The following TP63 variants were observed in gnomAD, a reference collection of about 807,000 sequenced individuals.
The protein encoded by TP63 is tumor protein p63.
In TP63, 17 loss-of-function variants were observed where a neutral mutation model predicts 82.8. The observed-to-expected ratio is 0.21, with a 90% CI of 0.14 to 0.31. The LOEUF is 0.31. Ranked by LOEUF, TP63 falls within the 10% of genes least tolerant of loss-of-function variation. TP63 has a pLI of 1.00. For synonymous variants in TP63, 330 were observed against 321.7 expected, an observed-to-expected ratio of 1.03 and a Z score of -0.28; for missense variants, 648 against 895.3, an observed-to-expected ratio of 0.72 and a Z score of 3.52.
intron 1 of TP63, among the ~76,000 whole-genome samples, chr3:189,638,165 T>A (rs192349977): frequency 6.6e-4 from 101 of 152,274 alleles, no homozygotes; most frequent in Middle Eastern, 3.4e-3. Flanking sequence ...TGGTAACTTG[T>A]CATGGCAGCA....
intron 3 of TP63, among the ~76,000 whole-genome samples, chr3:189,791,023 TTGCTTGTCC>T (rs1230653255): frequency 6.6e-6 from 1 of 152,162 alleles, no homozygotes; most frequent in Non-Finnish European, 1.5e-5. Context: ...TCAAGCAGGC[TTGCTTGTCC>T]TCAGTAGAGA....
Position 189,894,600 on chromosome 3 carries a change from T to G in TP63, c.*98T>G. 1 of 1,418,266 alleles carries G rather than the reference T, an allele frequency of 7.1e-7. No individual in the cohort carries two copies. The highest frequency in any genetic ancestry group is 9.7e-7 in the Non-Finnish European group (1 of 1,036,230). 87.9% of individuals were successfully genotyped at this position (1,418,266 alleles called of 1,614,324 possible). On this transcript the variant is annotated 3_prime_UTR_variant, in exon 14 of 14. Coordinates refer to ENST00000264731, the MANE Select transcript of TP63 (RefSeq NM_003722.5). ...AAAGCCTTCTCCCTAGCTCCTCCCC[T>G]TCCTCTTGTCTGATTTCTTAGGGGA...
At chr3:189,806,993 C>T (rs1726986570) in intron 3 of TP63, among the ~76,000 whole-genome samples, 1 of 152,176 alleles carries the variant, frequency 6.6e-6, no homozygotes, top group South Asian at 2.1e-4. Context: ...TAATCTGGGA[C>T]TCTCAGTTAC....
intron 3 of TP63, among the ~76,000 whole-genome samples, chr3:189,758,579 G>A (rs1047293233): frequency 1.3e-5 from 2 of 152,210 alleles, no homozygotes; most frequent in Non-Finnish European, 2.9e-5. Context: ...CTTCTTCCAA[G>A]TGTACTTTAC....
At chr3:189,814,012 G>C (rs1727883652) in intron 4 of TP63, among the ~76,000 whole-genome samples, 1 of 152,174 alleles carries the variant, frequency 6.6e-6, no homozygotes, top group African/African-American at 2.4e-5. Context: ...TAGGGAGGTG[G>C]CGTTTGAAAG....
At chr3:189,666,620 T>A (rs188521104) in intron 1 of TP63, among the ~76,000 whole-genome samples, 43 of 152,180 alleles carry the variant, frequency 2.8e-4, no homozygotes, top group Non-Finnish European at 5.0e-4. Context: ...TTAGAATAGG[T>A]AAACAGTAAA....
chr3:189,602,878 T>C, the TP63 span, among the ~76,000 whole-genome samples: 1 of 152,220 alleles, frequency 6.6e-6, no homozygotes, highest in Non-Finnish European at 1.5e-5. Context: ...GTTCTATGTT[T>C]AATGGCATAG....
chr3:189,643,006 TATTTATTC>T (rs765133270), intron 1 of TP63, among the ~76,000 whole-genome samples: 7,266 of 54,066 alleles, frequency 0.13, 234 homozygotes, highest in Non-Finnish European at 0.2. Flanking sequence ...TTTATTTATT[TATTTATTC>T]ATTTTAGATG....
At chr3:189,809,369 A>G (rs1425338783) in intron 4 of TP63, among the ~76,000 whole-genome samples, 1 of 152,180 alleles carries the variant, frequency 6.6e-6, no homozygotes, top group Non-Finnish European at 1.5e-5. Context: ...TCATAACTAG[A>G]TCCAAGAATA....
At chr3:189,822,090 G>A (rs1489090822) in intron 4 of TP63, among the ~76,000 whole-genome samples, 1 of 152,104 alleles carries the variant, frequency 6.6e-6, no homozygotes, top group African/African-American at 2.4e-5. Context: ...TCTCTAGAGC[G>A]GCTTCCTCAC....
At chr3:189,800,572 C>T (rs1388216104) in intron 3 of TP63, among the ~76,000 whole-genome samples, 1 of 151,820 alleles carries the variant, frequency 6.6e-6, no homozygotes, top group Non-Finnish European at 1.5e-5. Flanking sequence ...GTGAGTGATT[C>T]CTATTTACAT....
intron 4 of TP63, among the ~76,000 whole-genome samples, chr3:189,854,491 C>G (rs572149249): frequency 1.3e-5 from 2 of 152,168 alleles, no homozygotes; most frequent in Non-Finnish European, 2.9e-5. Context: ...TCTTGGCCTC[C>G]CAAAGTGCTG....
At chr3:189,861,128 G>A (rs1716985524) in intron 4 of TP63, among the ~76,000 whole-genome samples, 1 of 148,702 alleles carries the variant, frequency 6.7e-6, no homozygotes, top group Non-Finnish European at 1.5e-5. Context: ...TGTTGGCCAG[G>A]CATGTCTTGA....
chr3:189,781,636 C>T (rs558910651), intron 3 of TP63, among the ~76,000 whole-genome samples: 26 of 151,684 alleles, frequency 1.7e-4, no homozygotes, highest in African/African-American at 4.4e-4. Flanking sequence ...AGAAGATTTA[C>T]GTAAGAAAGC....
chr3:189,868,776 G>A (rs1718048354), intron 8 of TP63, 60 bp downstream of exon 8: 1 of 1,611,278 alleles, frequency 6.2e-7, no homozygotes, highest in Non-Finnish European at 8.5e-7. Flanking sequence ...GTTGGAGAAT[G>A]GGGTGATATT....
chr3:189,832,156 G>A (rs1371121524), intron 4 of TP63, among the ~76,000 whole-genome samples: 4 of 152,030 alleles, frequency 2.6e-5, no homozygotes, highest in African/African-American at 9.7e-5. Context: ...AGAGGGAAAT[G>A]AATCTTCAGA....
chr3:189,763,013 A>C (rs903829886), intron 3 of TP63, among the ~76,000 whole-genome samples: 2 of 152,158 alleles, frequency 1.3e-5, no homozygotes, highest in Non-Finnish European at 2.9e-5. Context: ...GCTCATTCCC[A>C]TAATCCCAGC....
At chr3:189,724,645 G>A (rs1158022350) in intron 1 of TP63, among the ~76,000 whole-genome samples, 1 of 152,200 alleles carries the variant, frequency 6.6e-6, no homozygotes, top group Non-Finnish European at 1.5e-5. Context: ...CATCTCTACA[G>A]TGGAGCTGGG....
At chr3:189,834,824 C>G (rs1029402620) in intron 4 of TP63, among the ~76,000 whole-genome samples, 1 of 150,862 alleles carries the variant, frequency 6.6e-6, no homozygotes, top group African/African-American at 2.4e-5. Flanking sequence ...TTGGAAAAAG[C>G]AATTATATAT....
Sources: gnomAD v4.1 joint callset for allele counts (sites outside exome capture counted in the v4.1 genomes callset) on GRCh38, gnomAD v4.1.1 for gene constraint, MANE v1.5 for transcripts, NCBI Gene and HGNC (gene_info 2026-07-23, HGNC 2026-07-21) for gene names.